Variants in KIAA1549L observed in about 807,000 individuals in gnomAD.
KIAA1549L encodes KIAA1549 like, also known as UPF0606 protein KIAA1549L.
Under a neutral mutation model 160.7 loss-of-function variants are expected in KIAA1549L, and 88 were observed. That is an observed-to-expected ratio of 0.55 (90% CI 0.46 to 0.65). KIAA1549L has a LOEUF of 0.65. Among genes scored for constraint, KIAA1549L ranks in the 30% least tolerant of loss-of-function variants. The pLI, the probability that KIAA1549L is intolerant of heterozygous loss-of-function variation, is 0.00. For synonymous variants in KIAA1549L, 950 were observed against 976.7 expected (o/e 0.97, Z 0.51); for missense variants, 2,258 against 2,437.5 (o/e 0.93, Z 1.55).
At chr11:33,597,231 G>T (rs1850224812) in intron 12 of KIAA1549L, among the ~76,000 whole-genome samples, 1 of 152,234 alleles carries the variant, frequency 6.6e-6, no homozygotes, top group Admixed American at 6.5e-5. Context: ...CTTTGGCGAG[G>T]AATGTCCCAC....
chr11:33,583,443 GGAA>G lies in KIAA1549L; in HGVS notation c.4512_4514del (p.Lys1504del). ...ATCATCATCACTGCCGTGCTCTGCAGGAAGAACAAGAACGACTTCAAGCCTGAC... is the reference window on the plus strand; with the variant it reads ...ATCATCATCACTGCCGTGCTCTGCAGGAACAAGAACGACTTCAAGCCTGAC... On this transcript the variant is annotated inframe_deletion, in exon 11 of 21. Coordinates refer to ENST00000658780, the MANE Select transcript of KIAA1549L (RefSeq NM_012194.3). 1 of 1,590,850 alleles carries G rather than the reference GGAA, an allele frequency of 6.3e-7. No individual in the cohort carries two copies. Among genetic ancestry groups the G allele is most frequent in the East Asian group, 2.3e-5 (1 of 43,658 alleles).
intron 1 of KIAA1549L, among the ~76,000 whole-genome samples, chr11:33,435,782 A>G (rs7937787): frequency 0.29 from 6,267 of 21,370 alleles, 911 homozygotes; most frequent in Admixed American, 0.35. Flanking sequence ...ATATATATAT[A>G]TATATATATA....
At chr11:33,535,057 G>A (rs1480665036) in intron 1 of KIAA1549L, among the ~76,000 whole-genome samples, 1 of 152,156 alleles carries the variant, frequency 6.6e-6, no homozygotes, top group African/African-American at 2.4e-5. Flanking sequence ...TATTGGCTGG[G>A]CTGTGTTCTC....
chr11:33,383,600 G>A (rs1212436748), intron 1 of KIAA1549L, among the ~76,000 whole-genome samples: 1 of 152,190 alleles, frequency 6.6e-6, no homozygotes, highest in East Asian at 1.9e-4. Context: ...TAGATGCTGG[G>A]GGTATAGTGA....
chr11:33,564,289 C>A (rs1590348181), intron 8 of KIAA1549L, among the ~76,000 whole-genome samples: 2 of 152,332 alleles, frequency 1.3e-5, no homozygotes, highest in East Asian at 3.9e-4. Context: ...TACTCCCAGA[C>A]ATGCATCACA....
intron 20 of KIAA1549L, among the ~76,000 whole-genome samples, chr11:33,661,445 G>T (rs960164013): frequency 6.6e-6 from 1 of 152,144 alleles, no homozygotes; most frequent in Non-Finnish European, 1.5e-5. Context: ...CTTATCTAAG[G>T]CCACACAGCT....
At chr11:33,478,824 C>T (rs1263072160) in intron 1 of KIAA1549L, among the ~76,000 whole-genome samples, 1 of 152,148 alleles carries the variant, frequency 6.6e-6, no homozygotes, top group Non-Finnish European at 1.5e-5. Context: ...GCAACCTCTG[C>T]CTTTCACCAT....
At chr11:33,560,266 A>G (rs1854808356) in intron 7 of KIAA1549L, among the ~76,000 whole-genome samples, 1 of 152,192 alleles carries the variant, frequency 6.6e-6, no homozygotes, top group African/African-American at 2.4e-5. Flanking sequence ...CTGAAGCTCT[A>G]AGAGGTTTCA....
intron 12 of KIAA1549L, among the ~76,000 whole-genome samples, chr11:33,592,423 G>T (rs992294051): frequency 1.3e-5 from 2 of 152,202 alleles, no homozygotes; most frequent in Non-Finnish European, 2.9e-5. Context: ...AAGAGGTAAT[G>T]AACCCTATGG....
chr11:33,615,111 G>C (rs1850775239), intron 15 of KIAA1549L, among the ~76,000 whole-genome samples: 1 of 151,906 alleles, frequency 6.6e-6, no homozygotes, highest in Non-Finnish European at 1.5e-5. Flanking sequence ...CCACTCCCCA[G>C]CTAGTGCTTC....
At chr11:33,515,499 G>A (rs112457878) in intron 1 of KIAA1549L, among the ~76,000 whole-genome samples, 13 of 152,360 alleles carry the variant, frequency 8.5e-5, no homozygotes, top group Admixed American at 2.0e-4. Flanking sequence ...AGCAGTCTGC[G>A]CAGCTGGGGC....
chr11:33,598,217 T>G (rs944435804), intron 12 of KIAA1549L, among the ~76,000 whole-genome samples: 3 of 145,902 alleles, frequency 2.1e-5, no homozygotes, highest in African/African-American at 7.4e-5. Flanking sequence ...TGTGTGTGTG[T>G]GTGTGTGTGT....
At chr11:33,529,736 G>A (rs746516468) in intron 1 of KIAA1549L, among the ~76,000 whole-genome samples, 4 of 152,154 alleles carry the variant, frequency 2.6e-5, no homozygotes, top group Non-Finnish European at 2.9e-5. Flanking sequence ...CAGAGGAAGC[G>A]TCCCATAAAT....
intron 1 of KIAA1549L, among the ~76,000 whole-genome samples, chr11:33,449,899 A>G (rs1318263204): frequency 6.6e-6 from 1 of 152,164 alleles, no homozygotes; most frequent in Non-Finnish European, 1.5e-5. Context: ...TAACTCCCGG[A>G]CTCAGATTCC....
chr11:33,495,764 T>G (rs1271839833), intron 1 of KIAA1549L, among the ~76,000 whole-genome samples: 2 of 151,984 alleles, frequency 1.3e-5, no homozygotes, highest in African/African-American at 4.8e-5. Context: ...GTGTTCCTGT[T>G]TCTCCACATC....
intron 1 of KIAA1549L, among the ~76,000 whole-genome samples, chr11:33,530,890 T>C (rs1535063): frequency 0.7 from 106,502 of 152,042 alleles, 38,088 homozygotes; most frequent in African/African-American, 0.86. Flanking sequence ...AATGATTTTG[T>C]TATGTTAAAA....
chr11:33,578,979 C>T (rs1855547958), intron 10 of KIAA1549L, among the ~76,000 whole-genome samples: 1 of 152,212 alleles, frequency 6.6e-6, no homozygotes, highest in Admixed American at 6.5e-5. Context: ...AAAGGAACCA[C>T]CCTTCACCAG....
At position 33,668,109 on chromosome 11, in the gene KIAA1549L, C is replaced by T. The variant is rs771446367; in HGVS notation, c.6396C>T (p.Ala2132=). ...TGAAGGCCATCCGGGAGGAGGTGGC[C>T]AAGCTGGCCAAAAAACAGACAGACA... ...ALVKAIREEV[A]KLAKKQTDMF... Residue 2132 remains alanine, a synonymous_variant, in exon 21 of 21, where the codon GCC becomes GCT. Transcript: ENST00000658780. 2 of 1,613,814 alleles carry T rather than the reference C, an allele frequency of 1.2e-6. No individual in the cohort carries two copies. The highest frequency in any genetic ancestry group is 1.7e-6 in the Non-Finnish European group (2 of 1,179,876).
intron 15 of KIAA1549L, among the ~76,000 whole-genome samples, chr11:33,614,531 G>GCTACATAT (rs879500574): frequency 7.4e-5 from 2 of 27,104 alleles, no homozygotes; most frequent in Non-Finnish European, 1.3e-4. Flanking sequence ...AGTGTAACAA[G>GCTACATAT]ATATATATAT....
Sources: allele counts gnomAD v4.1 joint callset (sites outside exome capture counted in the v4.1 genomes callset), GRCh38; gene constraint gnomAD v4.1.1; transcripts MANE v1.5; gene names NCBI Gene and HGNC (gene_info 2026-07-23, HGNC 2026-07-21).